Variants in SLC2A10 observed in about 807,000 individuals in gnomAD.
SLC2A10 encodes solute carrier family 2 member 10, also known as solute carrier family 2, facilitated glucose transporter member 10.
SLC2A10 carries 25 observed loss-of-function variants against 32.1 expected under a neutral mutation model. That is an observed-to-expected ratio of 0.78 (90% CI 0.57 to 1.09). The LOEUF (loss-of-function observed/expected upper bound fraction) is 1.09. Among genes scored for constraint, SLC2A10 ranks in the 50% least tolerant of loss-of-function variants. The probability of loss-of-function intolerance (pLI) is 0.00; values close to 1 mark genes in which losing one functional copy is unlikely to be tolerated. For synonymous variants in SLC2A10, 332 were observed against 309.6 expected (o/e 1.07, Z -0.76); for missense variants, 673 against 686.5 (o/e 0.98, Z 0.22).
At chr20:46,710,383 T>G in intron 1 of SLC2A10, 1 of 234,156 alleles carries the variant, frequency 4.3e-6, no homozygotes, top group Non-Finnish European at 8.2e-6. Context: ...GACATTGATA[T>G]AGGGGTTAGA....
rs1980491714 is a variant in SLC2A10 at position 46,734,855 on chromosome 20, G to A, written c.*1021G>A. On this transcript the variant is annotated 3_prime_UTR_variant, in exon 5 of 5. Coordinates refer to ENST00000359271, the MANE Select transcript of SLC2A10 (RefSeq NM_030777.4). ...TTTGCGGAAAGGAGATGGGTTTGGAGGCCAACAAACCTGCTTGTCAATATT... is the reference window on the plus strand; with the variant it reads ...TTTGCGGAAAGGAGATGGGTTTGGAAGCCAACAAACCTGCTTGTCAATATT... 1 of 152,678 alleles carries A rather than the reference G, an allele frequency of 6.5e-6. No homozygotes were observed. Among genetic ancestry groups the A allele is most frequent in the Non-Finnish European group, 1.5e-5 (1 of 68,080 alleles). The allele number at this position is 152,678 out of a possible 1,614,324, so 9.5% of individuals were successfully genotyped here. A position where few individuals can be genotyped will look rare whatever the true frequency, so the allele number is the denominator to read the frequency against.
intron 1 of SLC2A10, chr20:46,710,354 G>A (rs978250229): frequency 2.1e-5 from 6 of 290,350 alleles, no homozygotes; most frequent in Non-Finnish European, 2.5e-5. Flanking sequence ...ATTCTTGAGT[G>A]AGCACCTACT....
intron 1 of SLC2A10, among the ~76,000 whole-genome samples, chr20:46,723,265 TA>T (rs1979661457): frequency 6.6e-6 from 1 of 151,934 alleles, no homozygotes; most frequent in Non-Finnish European, 1.5e-5. Flanking sequence ...AGGCAAGAGG[TA>T]AGGGAGCTAG....
chr20:46,733,565 G>A (rs1310794617), intron 4 of SLC2A10, among the ~76,000 whole-genome samples, 191 bp from the exon 5 acceptor site: 5 of 152,172 alleles, frequency 3.3e-5, no homozygotes, highest in African/African-American at 4.8e-5. Context: ...AAGACCCAGG[G>A]AGACCAGGGA....
chr20:46,720,768 ATGT>A (rs1218696858), intron 1 of SLC2A10, among the ~76,000 whole-genome samples: 1 of 152,212 alleles, frequency 6.6e-6, no homozygotes, highest in Non-Finnish European at 1.5e-5. Flanking sequence ...TAACACACAG[ATGT>A]TGTAACATCT....
intron 1 of SLC2A10, among the ~76,000 whole-genome samples, chr20:46,722,219 T>G (rs1323128226): frequency 2.6e-5 from 4 of 152,118 alleles, no homozygotes; most frequent in Non-Finnish European, 5.9e-5. Context: ...AATACCTAAC[T>G]CGTGAGGTTA....
intron 1 of SLC2A10, among the ~76,000 whole-genome samples, chr20:46,712,174 G>C (rs1007759673): frequency 6.6e-6 from 1 of 152,214 alleles, no homozygotes; most frequent in African/African-American, 2.4e-5. Flanking sequence ...GGTACTCCAA[G>C]TATCAGCTGT....
Position 46,725,369 on chromosome 20 carries a change from C to T in SLC2A10, c.333C>T (p.Ala111=), listed in dbSNP as rs866552939. ...LVLGRAVVGF[A]ISLSSMACCI... ...TGGGCCGCGCTGTGGTTGGCTTCGC[C>T]ATTTCCCTCTCCTCCATGGCTTGCT... The change falls in exon 2 of 5, where the codon GCC becomes GCT. Residue 111 remains alanine, a synonymous_variant. Transcript: ENST00000359271. 1.4e-5 allele frequency: 22 copies of T among 1,614,000 alleles called. No homozygotes were observed. The highest frequency in any genetic ancestry group is 1.8e-5 in the Non-Finnish European group (21 of 1,180,046).
chr20:46,731,756 C>T (rs893668462), intron 4 of SLC2A10, among the ~76,000 whole-genome samples: 1 of 152,018 alleles, frequency 6.6e-6, no homozygotes, highest in African/African-American at 2.4e-5. Flanking sequence ...TATCAGAGGC[C>T]ACAGAGAGAG....
chr20:46,722,086 A>G (rs534590595), intron 1 of SLC2A10, among the ~76,000 whole-genome samples: 1 of 152,314 alleles, frequency 6.6e-6, no homozygotes, highest in African/African-American at 2.4e-5. Context: ...ACAGCATTTA[A>G]AAATCAGAAA....
At chr20:46,733,630 G>C in intron 4 of SLC2A10, 126 bp from the exon 5 acceptor site, 1 of 777,356 alleles carries the variant, frequency 1.3e-6, no homozygotes, top group Non-Finnish European at 2.3e-6. Flanking sequence ...TAAGGCAGGA[G>C]GCAGGAAGGG....
intron 1 of SLC2A10, among the ~76,000 whole-genome samples, chr20:46,717,717 G>A (rs1979331794): frequency 6.6e-6 from 1 of 152,146 alleles, no homozygotes; most frequent in Admixed American, 6.5e-5. Context: ...CAGTCAGATT[G>A]CATCTGAAAT....
chr20:46,712,699 G>A (rs541207594), intron 1 of SLC2A10, among the ~76,000 whole-genome samples: 1 of 126,130 alleles, frequency 7.9e-6, no homozygotes, highest in Non-Finnish European at 1.6e-5. Flanking sequence ...TGTCATCTAG[G>A]CTAGAGTGCA....
At chr20:46,710,251 G>T (rs978165898) in intron 1 of SLC2A10, 4 of 393,692 alleles carry the variant, frequency 1.0e-5, no homozygotes, top group African/African-American at 2.1e-5. Context: ...CACAGCATTG[G>T]GGTGGGACGC....
intron 1 of SLC2A10, among the ~76,000 whole-genome samples, chr20:46,715,871 A>T (rs2123010487): frequency 6.6e-6 from 1 of 152,156 alleles, no homozygotes; most frequent in African/African-American, 2.4e-5. Context: ...TCAGTCTGTC[A>T]CCCAAGCTGG....
chr20:46,722,016 T>C (rs1253276972), intron 1 of SLC2A10, among the ~76,000 whole-genome samples: 1 of 152,220 alleles, frequency 6.6e-6, no homozygotes, highest in Admixed American at 6.5e-5. Flanking sequence ...CTGGTACCTA[T>C]GGGTTGCACT....
rs531957100 is a variant in SLC2A10, at chr20:46,723,724, T to C, written c.5-1317T>C. Among the ~76,000 whole-genome samples the C allele has an allele frequency of 5.3e-5, 8 of 152,256 alleles. No individual in the cohort carries two copies. The South Asian group carries it at 1.7e-3, about 32-fold the overall frequency. On this transcript the variant is annotated intron_variant, in intron 1 of 4. Transcript: ENST00000359271. ...ATTTCTCCTGCCTCATCATCTCCCA[T>C]CACTCTCACTCACTGGGCTTCAGCC... is the stretch of plus-strand genomic sequence containing the variant.
intron 3 of SLC2A10, 102 bp from the exon 4 acceptor site, chr20:46,729,251 T>C: frequency 6.9e-7 from 1 of 1,458,090 alleles, no homozygotes; most frequent in South Asian, 1.1e-5. Context: ...TTGCTTTGAG[T>C]GAACTGACTT....
intron 3 of SLC2A10, among the ~76,000 whole-genome samples, chr20:46,728,335 A>G (rs1980088430): frequency 6.6e-6 from 1 of 152,188 alleles, no homozygotes; most frequent in Non-Finnish European, 1.5e-5. Flanking sequence ...AATGGCTTCC[A>G]AAACATAATT....
Sources: allele counts gnomAD v4.1 joint callset (sites outside exome capture counted in the v4.1 genomes callset), GRCh38; gene constraint gnomAD v4.1.1; transcripts MANE v1.5; gene names NCBI Gene and HGNC (gene_info 2026-07-23, HGNC 2026-07-21).